The following SH3RF3 variants were observed in gnomAD, a reference collection of about 807,000 sequenced individuals.
The protein encoded by SH3RF3 is E3 ubiquitin-protein ligase SH3RF3.
In SH3RF3, 29 loss-of-function variants were observed where a neutral mutation model predicts 66.3. The ratio of observed to expected loss-of-function variants is 0.44; its 90% CI spans 0.33 to 0.60. SH3RF3 has a LOEUF of 0.60. SH3RF3 is among the 20% of genes least tolerant of loss of function. The probability of loss-of-function intolerance (pLI) is 0.04; values close to 1 mark genes in which losing one functional copy is unlikely to be tolerated. For missense variants in SH3RF3, 1,194 were observed against 1,190.9 expected, an observed-to-expected ratio of 1.00 and a Z score of -0.04; for synonymous variants, 583 against 532.0, an observed-to-expected ratio of 1.10 and a Z score of -1.32.
At chr2:109,379,020 C>CT (rs1432738804) in intron 3 of SH3RF3, among the ~76,000 whole-genome samples, 8 of 152,204 alleles carry the variant, frequency 5.3e-5, no homozygotes, top group Non-Finnish European at 1.2e-4. Context: ...ATCCAGAACT[C>CT]TGTCTTCTCA....
chr2:109,412,939 C>G (rs1486106742), intron 4 of SH3RF3, among the ~76,000 whole-genome samples: 4 of 152,322 alleles, frequency 2.6e-5, no homozygotes, highest in Admixed American at 2.0e-4. Flanking sequence ...CTACATGGCC[C>G]TCCAGGCCTG....
intron 4 of SH3RF3, among the ~76,000 whole-genome samples, chr2:109,407,205 G>A (rs1676473264): frequency 6.6e-6 from 1 of 152,168 alleles, no homozygotes; most frequent in African/African-American, 2.4e-5. Context: ...TCTCTGTTCT[G>A]GAGAGCACCA....
At chr2:109,372,473 T>C (rs891172034) in intron 3 of SH3RF3, among the ~76,000 whole-genome samples, 3 of 152,232 alleles carry the variant, frequency 2.0e-5, no homozygotes, top group African/African-American at 4.8e-5. Flanking sequence ...GTGGCTTCAG[T>C]GAATGCTTAC....
chr2:109,240,697 C>A (rs1679756683), intron 1 of SH3RF3, among the ~76,000 whole-genome samples: 1 of 152,138 alleles, frequency 6.6e-6, no homozygotes, highest in Non-Finnish European at 1.5e-5. Flanking sequence ...AGAATGCCTT[C>A]ATCTTCCCTC....
At chr2:109,145,381 C>G (rs1677070987) in intron 1 of SH3RF3, among the ~76,000 whole-genome samples, 1 of 152,194 alleles carries the variant, frequency 6.6e-6, no homozygotes, top group Admixed American at 6.5e-5. Flanking sequence ...GAGCCCTGCC[C>G]CTCTCTTATT....
intron 1 of SH3RF3, among the ~76,000 whole-genome samples, chr2:109,136,970 T>A (rs1198404669): frequency 6.6e-6 from 1 of 152,244 alleles, no homozygotes; most frequent in Non-Finnish European, 1.5e-5. Context: ...TTTCTCTCTC[T>A]GGCTTCACTG....
At chr2:109,416,929 TG>T (rs1653734265) in intron 4 of SH3RF3, among the ~76,000 whole-genome samples, 5 of 146,114 alleles carry the variant, frequency 3.4e-5, no homozygotes, top group African/African-American at 1.3e-4. Flanking sequence ...AAAAAAGAAT[TG>T]TATGTCCAGT....
chr2:109,417,834 A>AGG (rs1476803019), intron 4 of SH3RF3, among the ~76,000 whole-genome samples: 1 of 152,094 alleles, frequency 6.6e-6, no homozygotes, highest in Non-Finnish European at 1.5e-5. Context: ...CCACTCAGGG[A>AGG]GGGGCAGGTA....
chr2:109,155,948 C>G (rs144804961), intron 1 of SH3RF3, among the ~76,000 whole-genome samples: 207 of 152,312 alleles, frequency 1.4e-3, no homozygotes, highest in African/African-American at 4.6e-3. Context: ...CTTGGCAACT[C>G]AGGATCATTC....
Position 109,129,549 on chromosome 2 carries a change from C to G in SH3RF3, c.9C>G (p.Leu3=), listed in dbSNP as rs1283621217. The change falls in exon 1 of 10, where the codon CTC becomes CTG. Residue 3 remains leucine (L), a synonymous_variant. Transcript: ENST00000309415. ML[L]GASWLCASKA... is the part of the protein sequence containing the mutation. Reference sequence around the variant, plus strand: ...CTGCGGGCGCCTCCCCCATGCTGCTCGGAGCGTCCTGGCTGTGCGCATCCA... The same window carrying G: ...CTGCGGGCGCCTCCCCCATGCTGCTGGGAGCGTCCTGGCTGTGCGCATCCA... 7 of 1,495,714 alleles carry G rather than the reference C, an allele frequency of 4.7e-6. No individual in the cohort carries two copies. Among genetic ancestry groups the G allele is most frequent in the East Asian group, 2.8e-5 (1 of 35,728 alleles). The allele number at this position is 1,495,714 out of a possible 1,614,324, so 92.7% of individuals were successfully genotyped here.
intron 3 of SH3RF3, among the ~76,000 whole-genome samples, chr2:109,379,861 C>T (rs1274452039): frequency 6.6e-6 from 1 of 152,146 alleles, no homozygotes; most frequent in African/African-American, 2.4e-5. Flanking sequence ...CACCCAATGG[C>T]GTGTCTCCTG....
chr2:109,252,330 A>G (rs545808047), intron 1 of SH3RF3, among the ~76,000 whole-genome samples: 2 of 152,298 alleles, frequency 1.3e-5, no homozygotes, highest in African/African-American at 2.4e-5. Context: ...ACATTGTTCA[A>G]CAGAAGCCGG....
At chr2:109,282,623 G>A (rs1382085083) in intron 1 of SH3RF3, among the ~76,000 whole-genome samples, 3 of 152,210 alleles carry the variant, frequency 2.0e-5, no homozygotes, top group Non-Finnish European at 2.9e-5. Flanking sequence ...TCCACCTCTC[G>A]CCTCCGTGGT....
chr2:109,192,560 T>A (rs1678393192), intron 1 of SH3RF3, among the ~76,000 whole-genome samples: 1 of 152,170 alleles, frequency 6.6e-6, no homozygotes, highest in Non-Finnish European at 1.5e-5. Context: ...AGCGTGGTCC[T>A]CATGTGGAAT....
intron 5 of SH3RF3, among the ~76,000 whole-genome samples, chr2:109,426,046 T>C (rs936979300): frequency 1.3e-5 from 2 of 152,178 alleles, no homozygotes; most frequent in Non-Finnish European, 2.9e-5. Context: ...TACAGGCGCA[T>C]GCCACCACGC....
intron 1 of SH3RF3, among the ~76,000 whole-genome samples, chr2:109,238,210 TAATAA>T (rs1679691665): frequency 6.6e-6 from 1 of 151,964 alleles, no homozygotes; most frequent in African/African-American, 2.4e-5. Flanking sequence ...TAAAAAAAAA[TAATAA>T]AATAAAATGG....
intron 1 of SH3RF3, among the ~76,000 whole-genome samples, chr2:109,213,422 A>T (rs1365783603): frequency 6.6e-6 from 1 of 152,228 alleles, no homozygotes; most frequent in African/African-American, 2.4e-5. Flanking sequence ...ATTAGGGAAG[A>T]AAGTGTTCCC....
At chr2:109,438,086 C>T (rs917043295) in intron 7 of SH3RF3, among the ~76,000 whole-genome samples, 13 of 152,186 alleles carry the variant, frequency 8.5e-5, no homozygotes, top group South Asian at 2.1e-4. Context: ...CTTAGACTAA[C>T]GAACACGATG....
At chr2:109,302,034 T>G (rs988892366) in intron 1 of SH3RF3, among the ~76,000 whole-genome samples, 1 of 152,194 alleles carries the variant, frequency 6.6e-6, no homozygotes, top group Non-Finnish European at 1.5e-5. Flanking sequence ...CCATAGAGGT[T>G]TTTCTTTCTA....
Sources: gnomAD v4.1 joint callset for allele counts (sites outside exome capture counted in the v4.1 genomes callset) on GRCh38, gnomAD v4.1.1 for gene constraint, MANE v1.5 for transcripts, NCBI Gene and HGNC (gene_info 2026-07-23, HGNC 2026-07-21) for gene names.